CDH23: variants seen among roughly 807,000 people sequenced by gnomAD.
The protein encoded by CDH23 is cadherin-23.
A neutral mutation model predicts 317.1 loss-of-function variants in CDH23; 189 were observed. The observed-to-expected ratio is 0.60, with a 90% CI of 0.53 to 0.67. The LOEUF (loss-of-function observed/expected upper bound fraction) is 0.67, where lower values mean the gene tolerates loss of function less well. Among genes scored for constraint, CDH23 ranks in the 30% least tolerant of loss-of-function variants. CDH23 has a pLI of 0.00. For missense variants in CDH23, 4,401 were observed against 4,592.4 expected, an observed-to-expected ratio of 0.96 and a Z score of 1.20; for synonymous variants, 1,839 against 1,876.8, an observed-to-expected ratio of 0.98 and a Z score of 0.52.
chr10:71,560,409 G>A (rs752494190), intron 6 of CDH23, among the ~76,000 whole-genome samples: 17 of 152,070 alleles, frequency 1.1e-4, no homozygotes, highest in African/African-American at 2.7e-4. Flanking sequence ...ACCTAGAGGC[G>A]TCTTCAGCTG....
At chr10:71,730,630 GA>G (rs757163660) in intron 31 of CDH23, 26 bp downstream of exon 31, 11 of 1,612,596 alleles carry the variant, frequency 6.8e-6, no homozygotes, top group Non-Finnish European at 8.5e-6. Flanking sequence ...GGAAGCCGGG[GA>G]TCCCATTGCT....
chr10:71,752,348 A>C (rs1044242982), intron 38 of CDH23, among the ~76,000 whole-genome samples: 2 of 152,206 alleles, frequency 1.3e-5, no homozygotes, highest in Non-Finnish European at 2.9e-5. Context: ...TGCAAGCAGG[A>C]CTTCCTTCAA....
At chr10:71,458,605 T>G (rs1017978346) in intron 3 of CDH23, among the ~76,000 whole-genome samples, 2 of 152,252 alleles carry the variant, frequency 1.3e-5, no homozygotes, top group Non-Finnish European at 2.9e-5. Flanking sequence ...CAAGAAGCCC[T>G]CCTTTGCATC....
rs1257403163 is a variant in CDH23, at chr10:71,397,861, C to A, written c.-6+543C>A. Among the ~76,000 whole-genome samples, 2 of 152,176 alleles carry A rather than the reference C, an allele frequency of 1.3e-5. No homozygotes were observed. The highest frequency in any genetic ancestry group is 2.9e-5 in the Non-Finnish European group (2 of 68,014). On this transcript the variant is annotated intron_variant, in intron 1 of 69. Transcript: ENST00000224721. This position sits in a 1 kb window ranked among gnomAD's most constrained non-coding sequence, Gnocchi z 4.8. ...ATCAAGTCCCTGTGCCCGCGGGAGACCCCAGGGGACTTACACATCCTCCCA... is the reference window on the plus strand; with the variant it reads ...ATCAAGTCCCTGTGCCCGCGGGAGAACCCAGGGGACTTACACATCCTCCCA...
intron 22 of CDH23, among the ~76,000 whole-genome samples, chr10:71,696,937 C>T (rs965186125): frequency 1.3e-5 from 2 of 152,256 alleles, no homozygotes; most frequent in Non-Finnish European, 2.9e-5. Context: ...AACCTCCTCC[C>T]CACCCCAGCC....
At chr10:71,628,115 G>C (rs1861835147) in intron 11 of CDH23, among the ~76,000 whole-genome samples, 1 of 152,240 alleles carries the variant, frequency 6.6e-6, no homozygotes, top group Admixed American at 6.5e-5. Flanking sequence ...GCACAGCTCG[G>C]CTGGGAGTTG....
chr10:71,765,630 T>A (rs569716543), intron 38 of CDH23, among the ~76,000 whole-genome samples: 3 of 152,082 alleles, frequency 2.0e-5, no homozygotes, highest in Non-Finnish European at 2.9e-5. Flanking sequence ...GGAGGCAACT[T>A]CCTTGAGATG....
At chr10:71,691,949 A>T (rs1392239327) in intron 20 of CDH23, among the ~76,000 whole-genome samples, 3 of 152,114 alleles carry the variant, frequency 2.0e-5, no homozygotes, top group Admixed American at 6.5e-5. Context: ...CTCCTTTTCT[A>T]TCTCTGAGAA....
intron 11 of CDH23, among the ~76,000 whole-genome samples, chr10:71,637,580 A>G (rs1246434217): frequency 6.6e-6 from 1 of 152,326 alleles, no homozygotes; most frequent in Non-Finnish European, 1.5e-5. Context: ...GCCTGAGCCT[A>G]GGCTCAACTC....
chr10:71,801,150 C>CTCTTTTT (rs765969201), intron 53 of CDH23, among the ~76,000 whole-genome samples: 17 of 73,984 alleles, frequency 2.3e-4, no homozygotes, highest in African/African-American at 9.5e-4. Context: ...CTCTCTCTCT[C>CTCTTTTT]TTTTTTTTTT....
At position 71,784,243 on chromosome 10, in the gene CDH23, C is replaced by T. The variant is rs754770041; in HGVS notation, c.5369-44C>T. On this transcript the variant is annotated intron_variant, in intron 41 of 69. Transcript: ENST00000224721. ...AGGAGTCCTGGGGTCTCCACAGTTCCTGCCAATGCCCGACTAACTTGGGCC... is the reference window on the plus strand; with the variant it reads ...AGGAGTCCTGGGGTCTCCACAGTTCTTGCCAATGCCCGACTAACTTGGGCC... 8.2e-6 allele frequency: 13 copies of T among 1,594,040 alleles called. No homozygotes were observed. In the East Asian group the frequency reaches 2.7e-4, roughly 33 times the overall value.
intron 28 of CDH23, among the ~76,000 whole-genome samples, chr10:71,723,589 C>T (rs186071425): frequency 8.5e-5 from 13 of 152,176 alleles, no homozygotes; most frequent in Admixed American, 4.6e-4. Context: ...TGTACAGTGC[C>T]GGCTGGGACC....
intron 38 of CDH23, among the ~76,000 whole-genome samples, chr10:71,769,902 C>A (rs994552475): frequency 2.6e-5 from 4 of 152,196 alleles, no homozygotes; most frequent in Non-Finnish European, 5.9e-5. Flanking sequence ...AAAGATCCAC[C>A]AAGATAAGCA....
intron 3 of CDH23, among the ~76,000 whole-genome samples, chr10:71,448,191 T>C (rs1039455837): frequency 2.6e-5 from 4 of 152,072 alleles, no homozygotes; most frequent in African/African-American, 9.7e-5. Flanking sequence ...TGTATTGGGA[T>C]GGGTTGGGGA....
chr10:71,533,864 A>G (rs1477511144), intron 6 of CDH23, among the ~76,000 whole-genome samples: 1 of 152,080 alleles, frequency 6.6e-6, no homozygotes, highest in African/African-American at 2.4e-5. Flanking sequence ...GTCTAAATCT[A>G]TAACTCTGTT....
At chr10:71,706,534 C>T (rs1453010573) in intron 25 of CDH23, among the ~76,000 whole-genome samples, 4 of 152,150 alleles carry the variant, frequency 2.6e-5, no homozygotes, top group Non-Finnish European at 4.4e-5. Flanking sequence ...TGGACAAGCT[C>T]GTAAATGGTC....
At chr10:71,689,137 C>CCAACGGTGGTGGAGT (rs1564734101) in intron 19 of CDH23, among the ~76,000 whole-genome samples, 2 of 11,686 alleles carry the variant, frequency 1.7e-4, no homozygotes, top group Admixed American at 8.3e-4. Context: ...GGTGGTGGAG[C>CCAACGGTGGTGGAGT]CAGGGGTGGT....
intron 26 of CDH23, among the ~76,000 whole-genome samples, chr10:71,707,773 T>A (rs1374360499): frequency 6.6e-6 from 1 of 152,104 alleles, no homozygotes; most frequent in African/African-American, 2.4e-5. Context: ...ACTGGCTCAG[T>A]CTTCTCTCTG....
At chr10:71,440,187 G>A (rs961108213) in intron 2 of CDH23, among the ~76,000 whole-genome samples, 4 of 152,164 alleles carry the variant, frequency 2.6e-5, no homozygotes, top group African/African-American at 9.7e-5. Context: ...ACCGTGAACC[G>A]TCCTCCTCCT....
Sources: allele counts gnomAD v4.1 joint callset (sites outside exome capture counted in the v4.1 genomes callset), GRCh38; gene constraint gnomAD v4.1.1; non-coding constraint Gnocchi (gnomAD v3.1); transcripts MANE v1.5; gene names NCBI Gene and HGNC (gene_info 2026-07-23, HGNC 2026-07-21).